Variants in RBM6 observed in about 807,000 individuals in gnomAD.
The protein encoded by RBM6 is RNA-binding protein 6.
Under a neutral mutation model 140.4 loss-of-function variants are expected in RBM6, and 23 were observed. The observed-to-expected ratio is 0.16, with a 90% CI of 0.12 to 0.23. The LOEUF is 0.23. Among genes scored for constraint, RBM6 ranks in the 10% least tolerant of loss-of-function variants. RBM6 has a pLI of 1.00. For synonymous variants in RBM6, 439 were observed against 475.6 expected (o/e 0.92, Z 1.00); for missense variants, 1,139 against 1,386.7 (o/e 0.82, Z 2.84).
At chr3:50,015,020 G>T (rs375858712) in intron 6 of RBM6, among the ~76,000 whole-genome samples, 1 of 114,674 alleles carries the variant, frequency 8.7e-6, no homozygotes, top group East Asian at 2.9e-4. Flanking sequence ...CTGTACTCCA[G>T]CCTGGCCAAC....
At chr3:49,942,081 A>G (rs746543340) in intron 1 of RBM6, among the ~76,000 whole-genome samples, 10 of 148,072 alleles carry the variant, frequency 6.8e-5, no homozygotes, top group Non-Finnish European at 1.3e-4. Context: ...AACCTGGGCC[A>G]CAGAACAAGA....
At chr3:49,983,862 A>G (rs2085421258) in intron 5 of RBM6, among the ~76,000 whole-genome samples, 1 of 152,138 alleles carries the variant, frequency 6.6e-6, no homozygotes, top group East Asian at 1.9e-4. Context: ...CAGTGGATGG[A>G]CGCTTTGGCT....
intron 7 of RBM6, 113 bp downstream of exon 7, chr3:50,048,432 C>T (rs2089316150): frequency 6.7e-7 from 1 of 1,492,826 alleles, no homozygotes; most frequent in East Asian, 2.5e-5. Flanking sequence ...GCTCTTCTTC[C>T]TCAGGTCACT....
At chr3:49,955,181 T>TTTTTG in intron 1 of RBM6, among the ~76,000 whole-genome samples, 1 of 134,794 alleles carries the variant, frequency 7.4e-6, no homozygotes, top group African/African-American at 2.8e-5. Context: ...TTTTTTTTTT[T>TTTTTG]TTTGAGACTG....
intron 6 of RBM6, among the ~76,000 whole-genome samples, chr3:50,005,087 T>C (rs1370505382): frequency 6.6e-6 from 1 of 152,220 alleles, no homozygotes; most frequent in Non-Finnish European, 1.5e-5. Context: ...AGTGTTTTTT[T>C]GTGTGTGTGT....
rs542501495 is a variant in RBM6 at position 50,058,031 on chromosome 3, G to C, written c.1969+28G>C. 3 of 1,604,674 alleles carry C rather than the reference G, an allele frequency of 1.9e-6. No individual in the cohort carries two copies. In the East Asian group the frequency reaches 6.7e-5, roughly 36 times the overall value. On this transcript the variant is annotated intron_variant, in intron 9 of 20. Coordinates refer to ENST00000266022, the MANE Select transcript of RBM6 (RefSeq NM_005777.3). Reference sequence around the variant, plus strand: ...AAGTAGTTTGTCAGGGCACATACCAGACTGTGATCATCACAATGGAGCATA... The same window carrying C: ...AAGTAGTTTGTCAGGGCACATACCACACTGTGATCATCACAATGGAGCATA...
chr3:50,060,604 AT>A (rs2089898422), intron 11 of RBM6, among the ~76,000 whole-genome samples: 3 of 132,658 alleles, frequency 2.3e-5, no homozygotes, highest in African/African-American at 8.3e-5. Flanking sequence ...AAAAAAAAAA[AT>A]TAGCTGGGCG....
At chr3:49,958,086 G>A (rs1339795667) in intron 1 of RBM6, among the ~76,000 whole-genome samples, 4 of 151,966 alleles carry the variant, frequency 2.6e-5, no homozygotes, top group Non-Finnish European at 5.9e-5. Flanking sequence ...CACCGCACCT[G>A]GCCGAGATCT....
chr3:50,069,666 G>A (rs1161000920), intron 18 of RBM6, among the ~76,000 whole-genome samples: 1 of 152,048 alleles, frequency 6.6e-6, no homozygotes, highest in African/African-American at 2.4e-5. Context: ...CTCCAGCCTG[G>A]GTCACAGAGT....
chr3:50,061,316 G>A (rs750419734), intron 13 of RBM6, 95 bp downstream of exon 13: 15 of 1,597,918 alleles, frequency 9.4e-6, no homozygotes, highest in Non-Finnish European at 1.3e-5. Context: ...AAGATACACT[G>A]TTGACTGAGG....
intron 6 of RBM6, among the ~76,000 whole-genome samples, chr3:50,019,164 T>C (rs1402232771): frequency 6.6e-6 from 1 of 152,120 alleles, no homozygotes; most frequent in East Asian, 1.9e-4. Flanking sequence ...GCGTTCTGCA[T>C]AGCTGGGATT....
Position 50,077,219 on chromosome 3 carries a change from AC to A in RBM6, c.*87del, listed in dbSNP as rs1448332470. 7.1e-6 allele frequency: 10 copies of A among 1,402,412 alleles called. No homozygotes were observed. Among genetic ancestry groups the A allele is most frequent in the African/African-American group, 1.5e-5 (1 of 66,916 alleles). The allele number at this position is 1,402,412 out of a possible 1,614,324, so 86.9% of individuals were successfully genotyped here. On this transcript the variant is annotated 3_prime_UTR_variant, in exon 21 of 21. Coordinates refer to ENST00000266022, the MANE Select transcript of RBM6 (RefSeq NM_005777.3). ...TTTTGTTACTGTTCTTGCTGCTAGAACTTTTTTAAATAAACTTTTTTTCAAT... is the reference window on the plus strand; with the variant it reads ...TTTTGTTACTGTTCTTGCTGCTAGAATTTTTTAAATAAACTTTTTTTCAAT...
At chr3:49,940,576 C>A (rs1229590134) in intron 1 of RBM6, 1 of 155,620 alleles carries the variant, frequency 6.4e-6, no homozygotes, top group Non-Finnish European at 1.5e-5. Context: ...TGCGGTTTTC[C>A]TGTTTCAGAT....
chr3:49,983,823 C>T (rs934511263), intron 5 of RBM6, among the ~76,000 whole-genome samples: 1 of 152,088 alleles, frequency 6.6e-6, no homozygotes, highest in Non-Finnish European at 1.5e-5. Context: ...GCAGGAGACA[C>T]TAATAGGGCT....
chr3:49,994,669 GGT>G (rs59949998), intron 5 of RBM6, among the ~76,000 whole-genome samples: 39 of 148,074 alleles, frequency 2.6e-4, no homozygotes, highest in East Asian at 7.9e-4. Context: ...AAGGCTGTGG[GGT>G]GTGTGTGTGT....
chr3:50,010,104 C>T lies in RBM6; in HGVS notation c.1557+10591C>T, dbSNP rs140328477. Reference sequence around the variant, plus strand: ...GTTTCACCATGTTGGCCAGGCTGCTCTCGAACTCCTGACCTCAGGCAATCC... The same window carrying T: ...GTTTCACCATGTTGGCCAGGCTGCTTTCGAACTCCTGACCTCAGGCAATCC... On this transcript the variant is annotated intron_variant, in intron 6 of 20. Coordinates refer to ENST00000266022, the MANE Select transcript of RBM6 (RefSeq NM_005777.3). Among the ~76,000 whole-genome samples the T allele has an allele frequency of 5.1e-3, 779 of 152,158 alleles. 8 individuals carry two copies. Among genetic ancestry groups the T allele is most frequent in the African/African-American group, 0.018 (732 of 41,522 alleles).
At chr3:50,040,023 C>T (rs2088788956) in intron 6 of RBM6, among the ~76,000 whole-genome samples, 1 of 152,084 alleles carries the variant, frequency 6.6e-6, no homozygotes, top group Non-Finnish European at 1.5e-5. Flanking sequence ...CTACGGATCC[C>T]TGGTTTTCTT....
At chr3:50,073,065 A>G (rs546359545) in intron 19 of RBM6, among the ~76,000 whole-genome samples, 1 of 152,216 alleles carries the variant, frequency 6.6e-6, no homozygotes, top group Non-Finnish European at 1.5e-5. Flanking sequence ...CCACCACCAC[A>G]GTCTAACAAG....
rs67271820 is a variant in RBM6 at position 49,945,881 on chromosome 3, CA to C, written c.-67+5681del. ...TGGGCGACAGAGCGAGACTCCATCT[CA>C]AAAAAAAAAAAAAAAAAAAAAAAAG... is the stretch of plus-strand genomic sequence containing the variant. On this transcript the variant is annotated intron_variant, in intron 1 of 20. Coordinates refer to ENST00000266022, the MANE Select transcript of RBM6 (RefSeq NM_005777.3). Among the ~76,000 whole-genome samples the C allele has an allele frequency of 1.8e-3, 113 of 61,916 alleles. 1 individual carries two copies. The highest frequency in any genetic ancestry group is 0.011 in the South Asian group (12 of 1,056). The allele number at this position is 61,916 out of a possible 152,430, so 40.6% of individuals were successfully genotyped here.
Sources: gnomAD v4.1 joint callset for allele counts (sites outside exome capture counted in the v4.1 genomes callset) on GRCh38, gnomAD v4.1.1 for gene constraint, MANE v1.5 for transcripts, NCBI Gene and HGNC (gene_info 2026-07-23, HGNC 2026-07-21) for gene names.